Variants in ARHGAP26 observed in about 807,000 individuals in gnomAD.
ARHGAP26 encodes the protein Rho GTPase activating protein 26.
A neutral mutation model predicts 104.8 loss-of-function variants in ARHGAP26; 38 were observed. The ratio of observed to expected loss-of-function variants is 0.36; its 90% confidence interval spans 0.28 to 0.48. The LOEUF (loss-of-function observed/expected upper bound fraction) is 0.48, where lower values mean the gene tolerates loss of function less well. Ranked by LOEUF, ARHGAP26 falls within the 20% of genes least tolerant of loss-of-function variation. The pLI is 0.99. For synonymous variants in ARHGAP26, 341 were observed against 340.0 expected (o/e 1.00, Z -0.03); for missense variants, 704 against 947.9 (o/e 0.74, Z 3.38).
At chr5:142,958,510 T>C (rs1769626442) in intron 11 of ARHGAP26, among the ~76,000 whole-genome samples, 1 of 151,376 alleles carries the variant, frequency 6.6e-6, no homozygotes, top group African/African-American at 2.4e-5. Context: ...TTACAAAATA[T>C]AAAACAAATT....
intron 20 of ARHGAP26, chr5:143,172,925 T>G (rs1435026807): frequency 1.1e-5 from 2 of 177,836 alleles, no homozygotes; most frequent in Admixed American, 6.3e-5. Flanking sequence ...AGATCATGTT[T>G]TATTGAGGCT....
chr5:142,926,273 T>A (rs904672018), intron 10 of ARHGAP26, among the ~76,000 whole-genome samples: 1 of 152,202 alleles, frequency 6.6e-6, no homozygotes, highest in Non-Finnish European at 1.5e-5. Flanking sequence ...CCATGGCTCC[T>A]GCAGTGTGAG....
chr5:143,154,102 C>G (rs982070968), intron 20 of ARHGAP26, among the ~76,000 whole-genome samples: 1 of 150,394 alleles, frequency 6.6e-6, no homozygotes, highest in Non-Finnish European at 1.5e-5. Context: ...GTCAATTGAA[C>G]TCCTACTGTG....
intron 20 of ARHGAP26, among the ~76,000 whole-genome samples, chr5:143,149,251 G>C (rs1056940361): frequency 6.6e-6 from 1 of 152,132 alleles, no homozygotes; most frequent in Non-Finnish European, 1.5e-5. Context: ...AGGAGAATTA[G>C]AAAAAGAAGT....
At chr5:143,105,378 A>AAAT (rs1793844698) in intron 17 of ARHGAP26, among the ~76,000 whole-genome samples, 2 of 140,432 alleles carry the variant, frequency 1.4e-5, no homozygotes, top group Non-Finnish European at 3.1e-5. Flanking sequence ...CTCCATCTCA[A>AAAT]AAATAAATAA....
intron 18 of ARHGAP26, among the ~76,000 whole-genome samples, chr5:143,127,240 A>T (rs752595752): frequency 3.9e-5 from 6 of 152,170 alleles, no homozygotes; most frequent in Non-Finnish European, 7.3e-5. Context: ...ATTCCAACAC[A>T]TAATAGTAGG....
At chr5:143,041,722 G>GAAA (rs34295120) in intron 13 of ARHGAP26, 94 bp from the exon 14 acceptor site, 4,132 of 640,270 alleles carry the variant, frequency 6.5e-3, no homozygotes, top group South Asian at 0.014. Flanking sequence ...CTGAGAAAAT[G>GAAA]AAAAAAAAAA....
At chr5:142,926,119 G>A (rs539033533) in intron 10 of ARHGAP26, among the ~76,000 whole-genome samples, 3 of 152,328 alleles carry the variant, frequency 2.0e-5, no homozygotes, top group South Asian at 4.1e-4. Context: ...GAGGCTATGA[G>A]TTGGTATAGC....
At chr5:143,081,580 C>T (rs1042721250) in intron 17 of ARHGAP26, among the ~76,000 whole-genome samples, 1 of 152,168 alleles carries the variant, frequency 6.6e-6, no homozygotes, top group African/African-American at 2.4e-5. Context: ...TACCTACCAT[C>T]CGAAGACGGT....
chr5:143,081,404 G>A (rs764274255), intron 17 of ARHGAP26, among the ~76,000 whole-genome samples: 120 of 152,308 alleles, frequency 7.9e-4, no homozygotes, highest in Non-Finnish European at 1.1e-3. Context: ...GACTAAGCAC[G>A]CTGTTTGGGG....
At chr5:142,947,636 T>C (rs974863637) in intron 11 of ARHGAP26, among the ~76,000 whole-genome samples, 2 of 152,348 alleles carry the variant, frequency 1.3e-5, no homozygotes, top group Non-Finnish European at 2.9e-5. Context: ...TATTACTCAC[T>C]GAATTAACTT....
At chr5:142,793,862 A>T (rs1380365274) in intron 1 of ARHGAP26, among the ~76,000 whole-genome samples, 1 of 152,184 alleles carries the variant, frequency 6.6e-6, no homozygotes, top group African/African-American at 2.4e-5. Context: ...TTGGGATTAC[A>T]GGCATGAGCC....
At chr5:143,055,214 G>A (rs1415722178) in intron 15 of ARHGAP26, among the ~76,000 whole-genome samples, 1 of 152,128 alleles carries the variant, frequency 6.6e-6, no homozygotes, top group Non-Finnish European at 1.5e-5. Context: ...AAAAGGAGAG[G>A]GGAATGGTCA....
chr5:142,797,042 C>T (rs930555095), intron 1 of ARHGAP26, among the ~76,000 whole-genome samples: 2 of 152,190 alleles, frequency 1.3e-5, no homozygotes, highest in African/African-American at 4.8e-5. Context: ...AATTAGATTG[C>T]AGAAGGTTTA....
chr5:143,221,278 C>G (rs1316969498), intron 22 of ARHGAP26, among the ~76,000 whole-genome samples: 1 of 151,742 alleles, frequency 6.6e-6, no homozygotes, highest in Non-Finnish European at 1.5e-5. Context: ...ACTGAAAAAT[C>G]AAAGGGCAAT....
At chr5:142,863,064 T>G (rs553956677) in intron 1 of ARHGAP26, among the ~76,000 whole-genome samples, 1 of 151,652 alleles carries the variant, frequency 6.6e-6, no homozygotes, top group Non-Finnish European at 1.5e-5. Flanking sequence ...GGAGGGATCT[T>G]AGAGCTACGG....
At chr5:143,092,142 T>C (rs1402542861) in intron 17 of ARHGAP26, among the ~76,000 whole-genome samples, 1 of 151,358 alleles carries the variant, frequency 6.6e-6, no homozygotes, top group Non-Finnish European at 1.5e-5. Flanking sequence ...TTCTGACTTG[T>C]TGCAAACATC....
intron 20 of ARHGAP26, among the ~76,000 whole-genome samples, chr5:143,171,663 A>AT (rs1007702932): frequency 2.0e-5 from 3 of 152,256 alleles, no homozygotes; most frequent in Admixed American, 1.3e-4. Flanking sequence ...CAGGTAAGCT[A>AT]TTTTTTTCCC....
chr5:142,816,437 G>A (rs987172731), intron 1 of ARHGAP26, among the ~76,000 whole-genome samples: 1 of 152,212 alleles, frequency 6.6e-6, no homozygotes, highest in Non-Finnish European at 1.5e-5. Flanking sequence ...ATTAAATAGT[G>A]CCATAGGAGG....
Sources: allele counts gnomAD v4.1 joint callset (sites outside exome capture counted in the v4.1 genomes callset), GRCh38; gene constraint gnomAD v4.1.1; transcripts MANE v1.5; gene names NCBI Gene and HGNC (gene_info 2026-07-23, HGNC 2026-07-21).